The following BBX variants were observed in gnomAD, a reference collection of about 807,000 sequenced individuals.
The protein encoded by BBX is BBX high mobility group box domain containing, also known as HMG box transcription factor BBX.
Under a neutral mutation model 100.2 loss-of-function variants are expected in BBX, and 30 were observed. The observed-to-expected ratio is 0.30, with a 90% CI of 0.22 to 0.41. The LOEUF is 0.41. Ranked by LOEUF, BBX falls within the 10% of genes least tolerant of loss-of-function variation. The pLI, the probability that BBX is intolerant of heterozygous loss-of-function variation, is 1.00. For missense variants in BBX, 1,023 were observed against 1,129.8 expected, an observed-to-expected ratio of 0.91 and a Z score of 1.35; for synonymous variants, 376 against 388.1, an observed-to-expected ratio of 0.97 and a Z score of 0.37.
intron 3 of BBX, among the ~76,000 whole-genome samples, chr3:107,665,020 C>T (rs919413723): frequency 1.3e-5 from 2 of 152,168 alleles, no homozygotes; most frequent in Admixed American, 1.3e-4. Flanking sequence ...CTCCTAATCT[C>T]GTAATGGGTA....
Position 107,803,004 on chromosome 3 carries a change from G to A in BBX, c.2738+1723G>A, listed in dbSNP as rs149850131. ...CCACATTGGGATGTATTGATTTGTC[G>A]ATACTTCTGTCTACTTTCAGTATAT... is the stretch of plus-strand genomic sequence containing the variant. On this transcript the variant is annotated intron_variant, in intron 17 of 17. Transcript: ENST00000325805. Among the ~76,000 whole-genome samples, 147 of 152,188 alleles carry A rather than the reference G, an allele frequency of 9.7e-4. 1 individual carries two copies. The highest frequency in any genetic ancestry group is 3.4e-3 in the African/African-American group (142 of 41,532).
intron 3 of BBX, among the ~76,000 whole-genome samples, chr3:107,664,927 G>A (rs762543954): frequency 3.7e-4 from 57 of 152,124 alleles, no homozygotes; most frequent in Non-Finnish European, 6.6e-4. Flanking sequence ...TCTGTCCTTC[G>A]CCCTCTTTTG....
intron 2 of BBX, among the ~76,000 whole-genome samples, chr3:107,615,923 T>G (rs2055218514): frequency 6.7e-6 from 1 of 149,656 alleles, no homozygotes; most frequent in Non-Finnish European, 1.5e-5. Flanking sequence ...CTCTATTTGG[T>G]AACCTTGGCC....
chr3:107,688,129 C>T (rs1480709006), intron 3 of BBX, among the ~76,000 whole-genome samples: 1 of 152,278 alleles, frequency 6.6e-6, no homozygotes, highest in East Asian at 1.9e-4. Context: ...TTATCTTTGA[C>T]CATTTCTGTA....
At chr3:107,796,212 C>G (rs2069646544) in intron 15 of BBX, among the ~76,000 whole-genome samples, 1 of 152,186 alleles carries the variant, frequency 6.6e-6, no homozygotes, top group African/African-American at 2.4e-5. Context: ...TCCATTACCC[C>G]ATGGTCTCTG....
intron 2 of BBX, among the ~76,000 whole-genome samples, chr3:107,644,844 A>T (rs892496102): frequency 3.3e-5 from 5 of 152,186 alleles, no homozygotes; most frequent in Non-Finnish European, 7.4e-5. Context: ...CAACTGAGTC[A>T]TCTAATTCTA....
chr3:107,558,759 G>T lies in BBX; in HGVS notation c.-84+32361G>T, dbSNP rs140228511. Reference sequence around the variant, plus strand: ...CTAGCTTAAAGTTCCACAGCTAGTAGTGGGATTTGAATTCAAGCAGCCTAG... The same window carrying T: ...CTAGCTTAAAGTTCCACAGCTAGTATTGGGATTTGAATTCAAGCAGCCTAG... On this transcript the variant is annotated intron_variant, in intron 2 of 17. Coordinates refer to ENST00000325805, the MANE Select transcript of BBX (RefSeq NM_001142568.3). 1.7e-4 allele frequency among the ~76,000 whole-genome samples: 26 copies of T among 152,300 alleles called. No individual in the cohort carries two copies. In the East Asian group the frequency reaches 4.8e-3, roughly 28 times the overall value.
intron 7 of BBX, among the ~76,000 whole-genome samples, chr3:107,741,539 C>G (rs922281124): frequency 6.6e-6 from 1 of 151,842 alleles, no homozygotes; most frequent in Non-Finnish European, 1.5e-5. Flanking sequence ...GAAACAGCTT[C>G]TTGGGTTTTT....
rs373009768 is a variant in BBX, at chr3:107,773,435, A to G, written c.1714A>G (p.Ile572Val). 2 of 1,614,118 alleles carry G rather than the reference A, an allele frequency of 1.2e-6. No individual in the cohort carries two copies. The highest frequency in any genetic ancestry group is 1.1e-5 in the South Asian group (1 of 91,084). Residue 572 changes from isoleucine to valine, a missense_variant, in exon 11 of 18, where the codon ATA becomes GTA. By Grantham distance (29) the Ile-to-Val change is conservative. Coordinates refer to ENST00000325805, the MANE Select transcript of BBX (RefSeq NM_001142568.3). The surrounding 1 kb of genome is among the most constrained non-coding windows in gnomAD (Gnocchi z 4.1). ...KNISGETPEG[I>V]KAEPLTPMED... ...CATTTCTGGTGAGACACCAGAGGGT[A>G]TAAAAGCAGAACCATTGACCCCTAT...
intron 2 of BBX, among the ~76,000 whole-genome samples, chr3:107,568,360 A>AC (rs1484432816): frequency 6.7e-6 from 1 of 149,514 alleles, no homozygotes; most frequent in Non-Finnish European, 1.5e-5. Context: ...CACCTCCCAG[A>AC]TTCACGCCAT....
intron 4 of BBX, among the ~76,000 whole-genome samples, chr3:107,714,792 A>G (rs17206190): frequency 0.021 from 3,199 of 151,670 alleles, 55 homozygotes; most frequent in Non-Finnish European, 0.032. Context: ...ACGGCAAAAG[A>G]CTTTTTTTTT....
intron 11 of BBX, among the ~76,000 whole-genome samples, chr3:107,774,361 G>T (rs918128015): frequency 6.6e-6 from 1 of 152,128 alleles, no homozygotes; most frequent in Non-Finnish European, 1.5e-5. Flanking sequence ...CATCCCCAGG[G>T]ATGTCAGTTC....
intron 2 of BBX, among the ~76,000 whole-genome samples, chr3:107,562,229 C>G (rs779988661): frequency 6.6e-6 from 1 of 152,116 alleles, no homozygotes; most frequent in Non-Finnish European, 1.5e-5. Context: ...CCCTTATGAG[C>G]GTGAACCCAT....
rs1251009268 is a variant in BBX, at chr3:107,778,352, C to G, written c.2055-19C>G. 4 of 1,612,486 alleles carry G rather than the reference C, an allele frequency of 2.5e-6. No homozygotes were observed. The highest frequency in any genetic ancestry group is 2.2e-5 in the South Asian group (2 of 91,048). Reference sequence around the variant, plus strand: ...TATTTGGTCATGTGCTGATTGATTCCCCTCTCCCCTTTTAATAGCTCCGCA... The same window carrying G: ...TATTTGGTCATGTGCTGATTGATTCGCCTCTCCCCTTTTAATAGCTCCGCA... On this transcript the variant is annotated intron_variant, in intron 12 of 17. Transcript: ENST00000325805.
intron 13 of BBX, among the ~76,000 whole-genome samples, chr3:107,780,564 T>C (rs2067772212): frequency 6.6e-6 from 1 of 152,092 alleles, no homozygotes; most frequent in Non-Finnish European, 1.5e-5. Context: ...AGCCACAAAG[T>C]CACTGGTTCT....
intron 2 of BBX, among the ~76,000 whole-genome samples, chr3:107,583,937 ATT>A (rs1442700174): frequency 9.7e-5 from 10 of 102,622 alleles, no homozygotes; most frequent in African/African-American, 4.1e-4. Context: ...TAATATATAT[ATT>A]ATATATATTA....
chr3:107,740,067 T>G (rs996042521), intron 7 of BBX, among the ~76,000 whole-genome samples: 3 of 151,918 alleles, frequency 2.0e-5, no homozygotes, highest in African/African-American at 7.2e-5. Context: ...TGACTCGACA[T>G]GTATTCTGCT....
intron 10 of BBX, among the ~76,000 whole-genome samples, chr3:107,768,758 A>AG (rs397809756): frequency 6.7e-6 from 1 of 149,836 alleles, no homozygotes; most frequent in Non-Finnish European, 1.5e-5. Flanking sequence ...ATTAAAAAAA[A>AG]TTAATCTCTG....
At chr3:107,636,447 A>G (rs1343234696) in intron 2 of BBX, among the ~76,000 whole-genome samples, 3 of 152,206 alleles carry the variant, frequency 2.0e-5, no homozygotes, top group Non-Finnish European at 4.4e-5. Context: ...TTATTCTGCT[A>G]TTTAAATAAA....
Sources: gnomAD v4.1 joint callset for allele counts (sites outside exome capture counted in the v4.1 genomes callset) on GRCh38, gnomAD v4.1.1 for gene constraint, Gnocchi (gnomAD v3.1) non-coding constraint, MANE v1.5 for transcripts, NCBI Gene and HGNC (gene_info 2026-07-23, HGNC 2026-07-21) for gene names.